Variants in CSMD1 observed in about 807,000 individuals in gnomAD.
The protein encoded by CSMD1 is CUB and Sushi multiple domains 1.
A neutral mutation model predicts 417.5 loss-of-function variants in CSMD1; 213 were observed. That is an observed-to-expected ratio of 0.51 (90% CI 0.46 to 0.57). The LOEUF (loss-of-function observed/expected upper bound fraction) is 0.57. CSMD1 is among the 20% of genes least tolerant of loss of function. The probability of loss-of-function intolerance (pLI) is 0.00; values close to 1 mark genes in which losing one functional copy is unlikely to be tolerated. For missense variants in CSMD1, 6,923 were observed against 4,529.7 expected, an observed-to-expected ratio of 1.53 and a Z score of -15.17; for synonymous variants, 2,862 against 1,736.8, an observed-to-expected ratio of 1.65 and a Z score of -16.11.
chr8:3,597,547 G>A (rs933397551), intron 8 of CSMD1, among the ~76,000 whole-genome samples: 1 of 152,068 alleles, frequency 6.6e-6, no homozygotes, highest in African/African-American at 2.4e-5. Context: ...ACAATGCAAG[G>A]TACTGAGGCC....
At chr8:4,754,581 G>C (rs968023286) in intron 1 of CSMD1, among the ~76,000 whole-genome samples, 3 of 151,634 alleles carry the variant, frequency 2.0e-5, no homozygotes, top group Non-Finnish European at 2.9e-5. Context: ...GCCAGGCGCA[G>C]TGGCTCATGT....
At position 3,118,388 on chromosome 8, in the gene CSMD1, G is replaced by A; in HGVS notation, c.6430+11C>T. 1 of 1,604,090 alleles carries A rather than the reference G, an allele frequency of 6.2e-7. No individual in the cohort carries two copies. Among genetic ancestry groups the A allele is most frequent in the Middle Eastern group, 1.7e-4 (1 of 6,046 alleles). On this transcript the variant is annotated intron_variant, in intron 42 of 69. Coordinates refer to ENST00000635120, the MANE Select transcript of CSMD1 (RefSeq NM_033225.6). ...ACATTAAATCGCCCCCATGCAAAGTGATGAACTTACCATCACATCTTGGAA... is the reference window on the plus strand; with the variant it reads ...ACATTAAATCGCCCCCATGCAAAGTAATGAACTTACCATCACATCTTGGAA...
rs998601815 is a variant in CSMD1, at chr8:4,177,854, C to A, written c.416-145755G>T. On this transcript the variant is annotated intron_variant, in intron 3 of 69. Transcript: ENST00000635120. Reference sequence around the variant, plus strand: ...TAAGAAATGGATAAATTCCTCGACACATACACTCTCCCAAGACTAAACCAG... The same window carrying A: ...TAAGAAATGGATAAATTCCTCGACAAATACACTCTCCCAAGACTAAACCAG... Among the ~76,000 whole-genome samples, 34 of 151,696 alleles carry A rather than the reference C, an allele frequency of 2.2e-4. 3 individuals carry two copies. Among genetic ancestry groups the A allele is most frequent in the Admixed American group, 1.9e-3 (29 of 15,210 alleles).
chr8:3,331,814 C>G (rs757069964), intron 23 of CSMD1, among the ~76,000 whole-genome samples: 2 of 152,150 alleles, frequency 1.3e-5, no homozygotes, highest in African/African-American at 2.4e-5. Context: ...GCAGTTACTC[C>G]TATTTCTTTA....
chr8:3,946,208 C>G (rs1738011151), intron 5 of CSMD1, among the ~76,000 whole-genome samples: 2 of 152,220 alleles, frequency 1.3e-5, no homozygotes, highest in East Asian at 1.9e-4. Context: ...AGCAACTGTT[C>G]TAAATGACTT....
chr8:4,560,277 C>T (rs371707039), intron 2 of CSMD1, among the ~76,000 whole-genome samples: 7 of 152,198 alleles, frequency 4.6e-5, no homozygotes, highest in Non-Finnish European at 1.0e-4. Flanking sequence ...GACTATGTGA[C>T]GATGTGCAGT....
At chr8:4,821,053 A>G (rs12674578) in intron 1 of CSMD1, among the ~76,000 whole-genome samples, 1 of 151,994 alleles carries the variant, frequency 6.6e-6, no homozygotes, top group Non-Finnish European at 1.5e-5. Flanking sequence ...CAAGAAGAAC[A>G]ATGTGGAGGG....
intron 3 of CSMD1, among the ~76,000 whole-genome samples, chr8:4,317,589 G>C (rs7828802): frequency 4.6e-5 from 7 of 152,226 alleles, no homozygotes; most frequent in African/African-American, 1.2e-4. Context: ...ACTCAAGAGA[G>C]AGAGAGGAGA....
intron 10 of CSMD1, among the ~76,000 whole-genome samples, chr8:3,506,695 T>A (rs918594087): frequency 2.0e-5 from 3 of 152,174 alleles, no homozygotes; most frequent in Non-Finnish European, 4.4e-5. Context: ...ATTTGGGGTG[T>A]CATGAAGATA....
intron 3 of CSMD1, among the ~76,000 whole-genome samples, chr8:4,044,279 C>A (rs970156809): frequency 6.6e-6 from 1 of 151,952 alleles, no homozygotes. Context: ...ATAAAAATGG[C>A]AAAGGAAAAA....
rs1223030841 is a variant in CSMD1 at position 4,758,206 on chromosome 8, G to A, written c.86-120648C>T. 2.6e-5 allele frequency among the ~76,000 whole-genome samples: 4 copies of A among 152,264 alleles called. No individual in the cohort carries two copies. In the East Asian group the frequency reaches 7.8e-4, roughly 30 times the overall value. On this transcript the variant is annotated intron_variant, in intron 1 of 69. Coordinates refer to ENST00000635120, the MANE Select transcript of CSMD1 (RefSeq NM_033225.6). ...CTGATAACAAGAGTTACCTGGCTCT[G>A]ATGCTGTTCCTGTCTTTATCTGGGT... is the stretch of plus-strand genomic sequence containing the variant.
intron 3 of CSMD1, among the ~76,000 whole-genome samples, chr8:4,210,990 A>G (rs1276501947): frequency 6.6e-6 from 1 of 152,192 alleles, no homozygotes; most frequent in Non-Finnish European, 1.5e-5. Flanking sequence ...CAATTACTAC[A>G]AACAGAAAGA....
At chr8:4,045,991 C>G (rs947573826) in intron 3 of CSMD1, among the ~76,000 whole-genome samples, 3 of 151,922 alleles carry the variant, frequency 2.0e-5, no homozygotes, top group Admixed American at 1.3e-4. Context: ...GGATATAATT[C>G]AAAATAATGG....
chr8:3,295,453 G>C (rs1445166908), intron 25 of CSMD1, among the ~76,000 whole-genome samples: 1 of 152,128 alleles, frequency 6.6e-6, no homozygotes, highest in Non-Finnish European at 1.5e-5. Context: ...TATTATGGGA[G>C]AGACCGTTAT....
intron 7 of CSMD1, among the ~76,000 whole-genome samples, chr8:3,692,836 G>A (rs187210925): frequency 2.0e-5 from 3 of 152,188 alleles, no homozygotes; most frequent in African/African-American, 7.2e-5. Flanking sequence ...ATATTATTAG[G>A]CATTAGTAAT....
chr8:3,785,515 C>G (rs2623664), intron 5 of CSMD1, among the ~76,000 whole-genome samples: 151,865 of 152,364 alleles, frequency 1, 75,687 homozygotes, highest in Middle Eastern at 1. Flanking sequence ...GGCAGTCAAA[C>G]ACCTAGGTGT....
At chr8:2,968,358 T>C (rs1211521860) in intron 57 of CSMD1, among the ~76,000 whole-genome samples, 1 of 152,192 alleles carries the variant, frequency 6.6e-6, no homozygotes, top group Non-Finnish European at 1.5e-5. Flanking sequence ...TCTAATTACA[T>C]TTGCTATTCA....
chr8:4,808,789 T>C (rs1563453747), intron 1 of CSMD1, among the ~76,000 whole-genome samples: 1 of 152,240 alleles, frequency 6.6e-6, no homozygotes, highest in African/African-American at 2.4e-5. Context: ...ATTTTTCATA[T>C]TCCCCAGGCC....
chr8:4,402,714 A>G (rs1804725636), intron 3 of CSMD1, among the ~76,000 whole-genome samples: 1 of 151,758 alleles, frequency 6.6e-6, no homozygotes, highest in South Asian at 2.1e-4. Context: ...AACAGCCGTC[A>G]TATCCTTCTC....
Sources: gnomAD v4.1 joint callset for allele counts (sites outside exome capture counted in the v4.1 genomes callset) on GRCh38, gnomAD v4.1.1 for gene constraint, MANE v1.5 for transcripts, NCBI Gene and HGNC (gene_info 2026-07-23, HGNC 2026-07-21) for gene names.